Variants in ACER3 observed in about 807,000 individuals in gnomAD.
ACER3 encodes alkaline ceramidase 3.
In ACER3, 16 loss-of-function variants were observed where a neutral mutation model predicts 48.9. The ratio of observed to expected loss-of-function variants is 0.33; its 90% CI spans 0.22 to 0.50. ACER3 has a LOEUF of 0.50. ACER3 is among the 20% of genes least tolerant of loss of function. The probability of loss-of-function intolerance (pLI) is 0.98; values close to 1 mark genes in which losing one functional copy is unlikely to be tolerated. For synonymous variants in ACER3, 109 were observed against 107.8 expected, an observed-to-expected ratio of 1.01 and a Z score of -0.07; for missense variants, 227 against 326.0, an observed-to-expected ratio of 0.70 and a Z score of 2.34.
At chr11:76,893,291 G>A (rs184576573) in intron 1 of ACER3, among the ~76,000 whole-genome samples, 8 of 152,158 alleles carry the variant, frequency 5.3e-5, no homozygotes, top group African/African-American at 1.9e-4. Flanking sequence ...GATCACTTGA[G>A]CCCAGGAGTT....
intron 1 of ACER3, among the ~76,000 whole-genome samples, chr11:76,887,191 C>A (rs1387599681): frequency 1.3e-5 from 2 of 152,096 alleles, no homozygotes; most frequent in Non-Finnish European, 2.9e-5. Flanking sequence ...GAGGTTGAGG[C>A]TGCAGTGAGC....
intron 2 of ACER3, among the ~76,000 whole-genome samples, chr11:76,945,655 T>G (rs1228796916): frequency 6.6e-6 from 1 of 152,162 alleles, no homozygotes; most frequent in Non-Finnish European, 1.5e-5. Flanking sequence ...GCACCAGTGT[T>G]AGTGGGTACT....
intron 7 of ACER3, among the ~76,000 whole-genome samples, chr11:77,012,433 A>G (rs1040935161): frequency 1.3e-5 from 2 of 151,382 alleles, no homozygotes; most frequent in Admixed American, 1.3e-4. Flanking sequence ...AAAAAAAAAA[A>G]AAAAAAAAGC....
chr11:76,948,211 C>CTGTGTGTGTG lies in ACER3; in HGVS notation c.215-10724_215-10715dup, dbSNP rs57302394. Among the ~76,000 whole-genome samples, 141 of 135,746 alleles carry CTGTGTGTGTG rather than the reference C, an allele frequency of 1.0e-3. 1 individual carries two copies. The highest frequency in any genetic ancestry group is 8.9e-3 in the East Asian group (39 of 4,362). 89.1% of individuals were successfully genotyped at this position (135,746 alleles called of 152,430 possible). ...TGCTGTAGCTCCATTCTGGCTCACT[C>CTGTGTGTGTG]TGTGTGTGTGTGTGTGTGTGTGTGT... On this transcript the variant is annotated intron_variant, in intron 2 of 10. Transcript: ENST00000532485.
At chr11:76,944,727 C>T (rs1002787417) in intron 2 of ACER3, among the ~76,000 whole-genome samples, 5 of 152,064 alleles carry the variant, frequency 3.3e-5, no homozygotes, top group African/African-American at 1.2e-4. Context: ...TGCTGGACCT[C>T]CTGAATCTGG....
intron 1 of ACER3, among the ~76,000 whole-genome samples, chr11:76,871,776 CT>C: frequency 6.6e-6 from 1 of 152,278 alleles, no homozygotes; most frequent in East Asian, 1.9e-4. Context: ...TGTAAATTTC[CT>C]CTACAAGAGA....
At chr11:77,013,843 A>G (rs1414806730) in intron 7 of ACER3, among the ~76,000 whole-genome samples, 3 of 152,236 alleles carry the variant, frequency 2.0e-5, no homozygotes, top group African/African-American at 7.2e-5. Flanking sequence ...ACAGAGAAAC[A>G]AATTGTGCTG....
intron 1 of ACER3, among the ~76,000 whole-genome samples, chr11:76,905,400 G>GA (rs1210041294): frequency 1.3e-5 from 2 of 152,124 alleles, no homozygotes; most frequent in Non-Finnish European, 2.9e-5. Flanking sequence ...CCAAGTCAAG[G>GA]AAAGAGGGCC....
chr11:76,952,668 CT>C (rs398016733), intron 2 of ACER3, among the ~76,000 whole-genome samples: 14,709 of 132,918 alleles, frequency 0.11, 2,516 homozygotes, highest in African/African-American at 0.37. Context: ...CGTAAGATTT[CT>C]TTTTTTTTTT....
At chr11:76,875,732 G>GTTTTTTTTTTTTTTTTTTT (rs71040037) in intron 1 of ACER3, among the ~76,000 whole-genome samples, 4 of 67,068 alleles carry the variant, frequency 6.0e-5, no homozygotes, top group Admixed American at 2.4e-4. Flanking sequence ...AGTTTTTGTT[G>GTTTTTTTTTTTTTTTTTTT]TTTTTTTTTT....
intron 3 of ACER3, among the ~76,000 whole-genome samples, chr11:76,974,036 ATG>A (rs562744243): frequency 4.7e-4 from 72 of 152,290 alleles, no homozygotes; most frequent in Admixed American, 2.4e-3. Flanking sequence ...CTGGTCATAA[ATG>A]TGTGAGTTTA....
intron 1 of ACER3, among the ~76,000 whole-genome samples, chr11:76,863,409 G>A (rs1944991096): frequency 6.6e-6 from 1 of 152,134 alleles, no homozygotes; most frequent in Non-Finnish European, 1.5e-5. Flanking sequence ...AGGAATCAGA[G>A]GGGTTGCAAG....
chr11:76,977,612 G>A (rs995324366), intron 4 of ACER3, among the ~76,000 whole-genome samples: 3 of 152,232 alleles, frequency 2.0e-5, no homozygotes, highest in African/African-American at 7.2e-5. Context: ...CCTGAGTCAG[G>A]CCCTAGTAAC....
At chr11:76,975,751 T>C (rs1481667240) in intron 3 of ACER3, among the ~76,000 whole-genome samples, 1 of 152,160 alleles carries the variant, frequency 6.6e-6, no homozygotes, top group Non-Finnish European at 1.5e-5. Context: ...ATTAGGACAC[T>C]TGGATGATAA....
At chr11:76,880,882 C>T (rs565761868) in intron 1 of ACER3, among the ~76,000 whole-genome samples, 1 of 152,148 alleles carries the variant, frequency 6.6e-6, no homozygotes, top group South Asian at 2.1e-4. Context: ...GCTTATTGTG[C>T]TGGTATTTGG....
At chr11:76,923,480 A>G (rs1416681134) in intron 1 of ACER3, among the ~76,000 whole-genome samples, 1 of 151,886 alleles carries the variant, frequency 6.6e-6, no homozygotes, top group Non-Finnish European at 1.5e-5. Context: ...CCAGTTGATT[A>G]TTTTCCTCAT....
At chr11:76,879,217 A>C (rs1178031088) in intron 1 of ACER3, among the ~76,000 whole-genome samples, 1 of 152,044 alleles carries the variant, frequency 6.6e-6, no homozygotes, top group East Asian at 1.9e-4. Flanking sequence ...TAGCTTGTCT[A>C]TTACCATATT....
chr11:76,915,755 A>G (rs554920266), intron 1 of ACER3, among the ~76,000 whole-genome samples: 4 of 152,244 alleles, frequency 2.6e-5, no homozygotes, highest in East Asian at 1.9e-4. Flanking sequence ...CAGTCATGGA[A>G]GAAGGCGAAG....
At chr11:76,974,439 TA>T (rs1221730439) in intron 3 of ACER3, among the ~76,000 whole-genome samples, 1 of 152,162 alleles carries the variant, frequency 6.6e-6, no homozygotes, top group Non-Finnish European at 1.5e-5. Flanking sequence ...TATAGCTTAC[TA>T]AAAAGAAAAA....
Sources: gnomAD v4.1 joint callset for allele counts (sites outside exome capture counted in the v4.1 genomes callset) on GRCh38, gnomAD v4.1.1 for gene constraint, MANE v1.5 for transcripts, NCBI Gene and HGNC (gene_info 2026-07-23, HGNC 2026-07-21) for gene names.